CNOT6: variants seen among roughly 807,000 people sequenced by gnomAD.
The protein encoded by CNOT6 is CCR4-NOT transcription complex subunit 6.
A neutral mutation model predicts 61.2 loss-of-function variants in CNOT6; 12 were observed. That is an observed-to-expected ratio of 0.20 (90% CI 0.13 to 0.32). CNOT6 has a LOEUF of 0.32. Ranked by LOEUF, CNOT6 falls within the 10% of genes least tolerant of loss-of-function variation. The pLI is 1.00. For missense variants in CNOT6, 405 were observed against 663.9 expected (o/e 0.61, Z 4.28); for synonymous variants, 225 against 240.6 (o/e 0.94, Z 0.60).
chr5:180,563,355 C>T (rs1561662946), intron 4 of CNOT6, among the ~76,000 whole-genome samples: 1 of 151,948 alleles, frequency 6.6e-6, no homozygotes, highest in Non-Finnish European at 1.5e-5. Context: ...AGCTGGACTA[C>T]AGGCGCCCGC....
chr5:180,550,574 T>C (rs1228482437), intron 3 of CNOT6, among the ~76,000 whole-genome samples: 1 of 152,338 alleles, frequency 6.6e-6, no homozygotes, highest in South Asian at 2.1e-4. Flanking sequence ...TTTGGGAAAA[T>C]TGAATGTCAG....
At chr5:180,559,332 G>T (rs1760054664) in intron 4 of CNOT6, among the ~76,000 whole-genome samples, 1 of 152,166 alleles carries the variant, frequency 6.6e-6, no homozygotes, top group Non-Finnish European at 1.5e-5. Flanking sequence ...CTTCTTGAGG[G>T]ATTGAGCCTT....
At chr5:180,543,365 C>G (rs986129450) in intron 2 of CNOT6, among the ~76,000 whole-genome samples, 16 of 152,266 alleles carry the variant, frequency 1.1e-4, no homozygotes, top group Admixed American at 2.6e-4. Flanking sequence ...GGCCTGCACT[C>G]TGATTTTTTA....
intron 1 of CNOT6, among the ~76,000 whole-genome samples, chr5:180,525,505 C>A (rs1268581762): frequency 6.6e-6 from 1 of 150,804 alleles, no homozygotes; most frequent in Non-Finnish European, 1.5e-5. Flanking sequence ...CACCATCGCA[C>A]TCCAGCCTGG....
intron 4 of CNOT6, among the ~76,000 whole-genome samples, chr5:180,559,472 C>T (rs1760063484): frequency 6.6e-6 from 1 of 152,076 alleles, no homozygotes; most frequent in South Asian, 2.1e-4. Context: ...CTTGCCATTC[C>T]TTTCTTGCCT....
At chr5:180,520,776 A>G (rs1410063157) in intron 1 of CNOT6, among the ~76,000 whole-genome samples, 1 of 152,000 alleles carries the variant, frequency 6.6e-6, no homozygotes. Context: ...TCTTTTCCAT[A>G]TAGCTTGTTT....
Position 180,550,061 on chromosome 5 carries a change from G to A in CNOT6, c.243G>A (p.Leu81=), listed in dbSNP as rs1444476797. ...AKLHNLVYLD[L]SSNKIRSLPA... Reference sequence around the variant, plus strand: ...TTCACAATCTGGTGTATTTGGACCTGTCATCTAATAAAATTCGTAGCTTAC... The same window carrying A: ...TTCACAATCTGGTGTATTTGGACCTATCATCTAATAAAATTCGTAGCTTAC... Residue 81 remains leucine, a synonymous_variant, in exon 3 of 12, where the codon CTG becomes CTA. Transcript: ENST00000261951. 6.2e-7 allele frequency: 1 copy of A among 1,614,062 alleles called. No homozygotes were observed. The highest frequency in any genetic ancestry group is 8.5e-7 in the Non-Finnish European group (1 of 1,179,972).
intron 2 of CNOT6, among the ~76,000 whole-genome samples, chr5:180,538,747 A>G (rs1581523008): frequency 6.7e-6 from 1 of 148,774 alleles, no homozygotes; most frequent in Non-Finnish European, 1.5e-5. Flanking sequence ...GGTAGTGTGC[A>G]ACTGTGGTCC....
At chr5:180,545,462 T>C (rs1759268511) in intron 2 of CNOT6, among the ~76,000 whole-genome samples, 1 of 152,170 alleles carries the variant, frequency 6.6e-6, no homozygotes, top group African/African-American at 2.4e-5. Flanking sequence ...CACCTTGCAT[T>C]TTTTTTGTTG....
intron 1 of CNOT6, among the ~76,000 whole-genome samples, chr5:180,496,761 T>C (rs1426523507): frequency 6.6e-6 from 1 of 152,232 alleles, no homozygotes; most frequent in Non-Finnish European, 1.5e-5. Flanking sequence ...ACAGATTTTC[T>C]TGTGAGACTG....
chr5:180,522,685 C>T (rs1002901162), intron 1 of CNOT6, among the ~76,000 whole-genome samples: 6 of 151,782 alleles, frequency 4.0e-5, no homozygotes, highest in African/African-American at 1.5e-4. Flanking sequence ...GGGTCTCACT[C>T]TTGCCCACGC....
Position 180,564,466 on chromosome 5 carries a change from A to T in CNOT6, c.386-23A>T, listed in dbSNP as rs747235928. On this transcript the variant is annotated intron_variant, in intron 4 of 11. Transcript: ENST00000261951. ...ACATTTTATTACTTAGTTTCATTTT[A>T]CTTATTTCAAAAATATTTCCAGGAA... 1.3e-5 allele frequency: 19 copies of T among 1,495,500 alleles called. No individual in the cohort carries two copies. The highest frequency in any genetic ancestry group is 1.6e-5 in the Non-Finnish European group (17 of 1,081,318). The allele number at this position is 1,495,500 out of a possible 1,614,324, so 92.6% of individuals were successfully genotyped here.
intron 1 of CNOT6, among the ~76,000 whole-genome samples, chr5:180,522,688 GC>G (rs1757929967): frequency 6.6e-6 from 1 of 151,622 alleles, no homozygotes. Flanking sequence ...TCTCACTCTT[GC>G]CCACGCTGGA....
chr5:180,520,180 T>C (rs1226108952), intron 1 of CNOT6, among the ~76,000 whole-genome samples: 1 of 152,178 alleles, frequency 6.6e-6, no homozygotes, highest in Non-Finnish European at 1.5e-5. Flanking sequence ...TTTTTGGCAA[T>C]TATGAATAAA....
At chr5:180,565,133 C>T (rs747141016) in intron 6 of CNOT6, among the ~76,000 whole-genome samples, 16 of 152,336 alleles carry the variant, frequency 1.1e-4, no homozygotes, top group African/African-American at 2.2e-4. Flanking sequence ...GTCAGTAGTG[C>T]GACTCTGGTT....
intron 4 of CNOT6, among the ~76,000 whole-genome samples, chr5:180,559,239 C>CT (rs1331110233): frequency 6.6e-6 from 1 of 152,136 alleles, no homozygotes; most frequent in Non-Finnish European, 1.5e-5. Flanking sequence ...ATTGTAGACT[C>CT]TGTTTTCCTT....
chr5:180,558,017 T>C (rs972881501), intron 4 of CNOT6, among the ~76,000 whole-genome samples: 1 of 152,196 alleles, frequency 6.6e-6, no homozygotes, highest in Admixed American at 6.5e-5. Context: ...GTTGAGCATA[T>C]CTGTGTGAAT....
At position 180,494,408 on chromosome 5, in the gene CNOT6, G is replaced by A. The variant is rs1756483131; in HGVS notation, c.-358G>A. On this transcript the variant is annotated 5_prime_UTR_variant, in exon 1 of 12. Coordinates refer to ENST00000261951, the MANE Select transcript of CNOT6 (RefSeq NM_001370472.1). ...GACGGCGGCCGCCGCCATGATGCTT[G>A]TTTGCTTTCAATGAAAACGAGGGGG... The A allele has an allele frequency of 6.5e-6, 1 of 153,200 alleles. No homozygotes were observed. The highest frequency in any genetic ancestry group is 6.5e-5 in the Admixed American group (1 of 15,270). The allele number at this position is 153,200 out of a possible 1,614,324, so 9.5% of individuals were successfully genotyped here.
chr5:180,513,090 C>T (rs1007587201), intron 1 of CNOT6, among the ~76,000 whole-genome samples: 3 of 151,424 alleles, frequency 2.0e-5, no homozygotes, highest in East Asian at 2.0e-4. Flanking sequence ...GTAGACACGG[C>T]ATTTCACCTT....
Sources: gnomAD v4.1 joint callset for allele counts (sites outside exome capture counted in the v4.1 genomes callset) on GRCh38, gnomAD v4.1.1 for gene constraint, MANE v1.5 for transcripts, NCBI Gene and HGNC (gene_info 2026-07-23, HGNC 2026-07-21) for gene names.